The following ATAD2B variants were observed in gnomAD, a reference collection of about 807,000 sequenced individuals.
The protein encoded by ATAD2B is ATPase family AAA domain containing 2B, also known as ATPase family AAA domain-containing protein 2B.
In ATAD2B, 40 loss-of-function variants were observed where a neutral mutation model predicts 167.6. The ratio of observed to expected loss-of-function variants is 0.24; its 90% CI spans 0.19 to 0.31. The LOEUF (loss-of-function observed/expected upper bound fraction) is 0.31, where lower values mean the gene tolerates loss of function less well. Among genes scored for constraint, ATAD2B ranks in the 10% least tolerant of loss-of-function variants. The pLI is 1.00. For missense variants in ATAD2B, 1,242 were observed against 1,757.2 expected, an observed-to-expected ratio of 0.71 and a Z score of 5.24; for synonymous variants, 579 against 596.5, an observed-to-expected ratio of 0.97 and a Z score of 0.43.
chr2:23,823,625 CTA>C (rs1687803418), intron 15 of ATAD2B, 56 bp from the exon 16 acceptor site: 1 of 1,474,760 alleles, frequency 6.8e-7, no homozygotes. Flanking sequence ...CATGCACCAA[CTA>C]TGTTTTGTAA....
chr2:23,777,105 G>A (rs1206462559), intron 22 of ATAD2B, among the ~76,000 whole-genome samples: 2 of 152,080 alleles, frequency 1.3e-5, no homozygotes, highest in African/African-American at 2.4e-5. Flanking sequence ...CAAGCATAGG[G>A]AAAAGGCCAT....
chr2:23,798,570 A>G (rs1448963302), intron 18 of ATAD2B, among the ~76,000 whole-genome samples: 1 of 151,954 alleles, frequency 6.6e-6, no homozygotes, highest in Admixed American at 6.6e-5. Context: ...AATTATTCCT[A>G]TTCAGTATAT....
intron 15 of ATAD2B, chr2:23,827,990 T>C (rs1313264569): frequency 6.6e-6 from 1 of 152,630 alleles, no homozygotes; most frequent in East Asian, 1.9e-4. Flanking sequence ...TTGGTAACTT[T>C]AAAGTTTTCC....
At chr2:23,728,630 T>C in the ATAD2B span, among the ~76,000 whole-genome samples, 1 of 152,164 alleles carries the variant, frequency 6.6e-6, no homozygotes, top group African/African-American at 2.4e-5. Flanking sequence ...TTGAAAACAA[T>C]ATTTACACTA....
At chr2:23,811,238 C>T (rs1281924832) in intron 17 of ATAD2B, 3 of 152,130 alleles carry the variant, frequency 2.0e-5, no homozygotes, top group Non-Finnish European at 4.4e-5. Context: ...ATGTAGGACT[C>T]AATTAACAGG....
At position 23,804,521 on chromosome 2, in the gene ATAD2B, TTTCA is replaced by T. The variant is rs540586944; in HGVS notation, c.2454+5791_2454+5794del. On this transcript the variant is annotated intron_variant, in intron 18 of 27. Coordinates refer to ENST00000238789, the MANE Select transcript of ATAD2B (RefSeq NM_017552.4). ...AAATACAACCAAAATGATAGTGAGT[TTTCA>T]TTGTTTTTCACTACCAAGTGACACC... Among the ~76,000 whole-genome samples the T allele has an allele frequency of 4.6e-5, 7 of 152,156 alleles. No homozygotes were observed. In the South Asian group the frequency reaches 1.5e-3, roughly 32 times the overall value.
chr2:23,868,068 A>G, intron 9 of ATAD2B, 122 bp from the exon 10 acceptor site: 1 of 665,780 alleles, frequency 1.5e-6, no homozygotes. Flanking sequence ...CCAGAAAATA[A>G]TATCAAAGGA....
intron 12 of ATAD2B, among the ~76,000 whole-genome samples, chr2:23,861,544 A>G (rs958867398): frequency 6.6e-6 from 1 of 151,650 alleles, no homozygotes; most frequent in Admixed American, 6.6e-5. Flanking sequence ...CATTTCAACT[A>G]TTCCTCCCAC....
intron 22 of ATAD2B, among the ~76,000 whole-genome samples, chr2:23,781,061 A>G (rs1169155849): frequency 6.6e-6 from 1 of 152,192 alleles, no homozygotes; most frequent in African/African-American, 2.4e-5. Flanking sequence ...GGCTCCTGAC[A>G]GCCAGGAGTT....
At chr2:23,741,470 T>C in the ATAD2B span, among the ~76,000 whole-genome samples, 2 of 151,808 alleles carry the variant, frequency 1.3e-5, no homozygotes, top group African/African-American at 2.4e-5. Flanking sequence ...CCCTATTTAA[T>C]AAATGGTGCT....
Position 23,752,026 on chromosome 2 carries a change from AACC to A in ATAD2B, c.*17_*19del. 1 of 1,548,686 alleles carries A rather than the reference AACC, an allele frequency of 6.5e-7. No individual in the cohort carries two copies. The highest frequency in any genetic ancestry group is 8.8e-7 in the Non-Finnish European group (1 of 1,139,754). On this transcript the variant is annotated 3_prime_UTR_variant, in exon 28 of 28. Coordinates refer to ENST00000238789, the MANE Select transcript of ATAD2B (RefSeq NM_017552.4). Reference sequence around the variant, plus strand: ...TGTGAGGAGCAGATTGGAGAGGATAAACCACTCATCTTGAAAAGTTCATAGGAA... The same window carrying A: ...TGTGAGGAGCAGATTGGAGAGGATAAACTCATCTTGAAAAGTTCATAGGAA...
At chr2:23,849,962 T>G (rs1692298031) in intron 13 of ATAD2B, among the ~76,000 whole-genome samples, 1 of 151,642 alleles carries the variant, frequency 6.6e-6, no homozygotes, top group Non-Finnish European at 1.5e-5. Flanking sequence ...GAGAATGCAA[T>G]AAATTTAAAA....
At chr2:23,888,465 T>C in intron 2 of ATAD2B, 66 bp from the exon 3 acceptor site, 1 of 968,370 alleles carries the variant, frequency 1.0e-6, no homozygotes, top group Non-Finnish European at 1.5e-6. Flanking sequence ...AGAAATGAAA[T>C]ACTGCTGGAA....
At chr2:23,921,568 A>G in intron 1 of ATAD2B, among the ~76,000 whole-genome samples, 1 of 152,192 alleles carries the variant, frequency 6.6e-6, no homozygotes, top group African/African-American at 2.4e-5. Flanking sequence ...GATTTAAGGA[A>G]TTAGTATGTA....
intron 1 of ATAD2B, among the ~76,000 whole-genome samples, chr2:23,916,492 T>C (rs763598911): frequency 4.8e-4 from 73 of 152,156 alleles, no homozygotes; most frequent in Non-Finnish European, 1.0e-3. Context: ...TCCAAAAATA[T>C]CAGACCACTC....
At chr2:23,881,610 C>A (rs1395991983) in intron 6 of ATAD2B, among the ~76,000 whole-genome samples, 1 of 152,150 alleles carries the variant, frequency 6.6e-6, no homozygotes. Context: ...ATCAACCCCC[C>A]TCGGCCTCCC....
chr2:23,732,275 G>A, the ATAD2B span, among the ~76,000 whole-genome samples: 2 of 152,178 alleles, frequency 1.3e-5, no homozygotes, highest in African/African-American at 4.8e-5. Context: ...AAAGAAAAAG[G>A]AGAGACTGAG....
chr2:23,762,286 G>C lies in ATAD2B; in HGVS notation c.3317C>G (p.Thr1106Ser). 6.2e-7 allele frequency: 1 copy of C among 1,613,508 alleles called. No homozygotes were observed. The highest frequency in any genetic ancestry group is 8.5e-7 in the Non-Finnish European group (1 of 1,179,746). The change falls in exon 24 of 28, where the codon ACT becomes AGT. Residue 1106 changes from threonine to serine, a missense_variant. Transcript: ENST00000238789. ...GTGCCGAAATGCCTCTTCGACTCTA[G>C]TTTCTGTCTTCCGAGCTCCAGTACT... is the stretch of plus-strand genomic sequence containing the variant. ...PHSTGARKTE[T>S]RVEEAFRHKQ...
chr2:23,889,997 G>A (rs1049286639), intron 2 of ATAD2B, among the ~76,000 whole-genome samples: 3 of 151,542 alleles, frequency 2.0e-5, no homozygotes, highest in East Asian at 1.9e-4. Flanking sequence ...GGCAGATTAC[G>A]AGGTCAGGAG....
Sources: allele counts gnomAD v4.1 joint callset (sites outside exome capture counted in the v4.1 genomes callset), GRCh38; gene constraint gnomAD v4.1.1; transcripts MANE v1.5; gene names NCBI Gene and HGNC (gene_info 2026-07-23, HGNC 2026-07-21).